Variants in FBXW5 observed in about 807,000 individuals in gnomAD.
The protein encoded by FBXW5 is F-box and WD repeat domain containing 5.
In FBXW5, 74 loss-of-function variants were observed where a neutral mutation model predicts 50.9. The observed-to-expected ratio is 1.45, with a 90% CI of 1.20 to 1.76. The LOEUF is 1.76. Among genes scored for constraint, FBXW5 ranks in the 40% most tolerant of loss-of-function variants. The pLI, the probability that FBXW5 is intolerant of heterozygous loss-of-function variation, is 0.00. For missense variants in FBXW5, 1,073 were observed against 818.8 expected (o/e 1.31, Z -3.79); for synonymous variants, 523 against 362.2 (o/e 1.44, Z -5.04).
At position 136,943,065 on chromosome 9, in the gene FBXW5, C is replaced by T. The variant is rs577307420; in HGVS notation, c.352-122G>A. On this transcript the variant is annotated intron_variant, in intron 3 of 8. Coordinates refer to ENST00000325285, the MANE Select transcript of FBXW5 (RefSeq NM_018998.4). ...CTCAGAGGCCACCAGGGAGCAGGGACCCCTTCCAGCCACTGTCATCCACTC... is the reference window on the plus strand; with the variant it reads ...CTCAGAGGCCACCAGGGAGCAGGGATCCCTTCCAGCCACTGTCATCCACTC... 3.9e-5 allele frequency: 57 copies of T among 1,452,942 alleles called. 1 individual carries two copies. The South Asian group carries it at 5.5e-4, about 14-fold the overall frequency. The allele number at this position is 1,452,942 out of a possible 1,614,324, so 90.0% of individuals were successfully genotyped here. A position where few individuals can be genotyped will look rare whatever the true frequency, so the allele number is the denominator to read the frequency against.
In FBXW5 at chr9:136,940,520, C is replaced by T. The variant is rs972894288; in HGVS notation, c.*408G>A. 102 of 258,790 alleles carry T rather than the reference C, an allele frequency of 3.9e-4. No homozygotes were observed. Among genetic ancestry groups the T allele is most frequent in the Admixed American group, 2.7e-3 (57 of 20,914 alleles). The allele number at this position is 258,790 out of a possible 1,614,324, so 16.0% of individuals were successfully genotyped here. A position where few individuals can be genotyped will look rare whatever the true frequency, so the allele number is the denominator to read the frequency against. ...TCGGGCCCACAGCAGCGTGACCGGC[C>T]GCTCCCAAGCCCCGGGCGCACAACC... On this transcript the variant is annotated 3_prime_UTR_variant, in exon 9 of 9. Coordinates refer to ENST00000325285, the MANE Select transcript of FBXW5 (RefSeq NM_018998.4).
chr9:136,941,328 CAG>C lies in FBXW5; in HGVS notation c.1378_1379del (p.Leu460AlafsTer120), dbSNP rs1850753195. 6.2e-7 allele frequency: 1 copy of C among 1,610,850 alleles called. No individual in the cohort carries two copies. Among genetic ancestry groups the C allele is most frequent in the Non-Finnish European group, 8.5e-7 (1 of 1,179,886 alleles). On this transcript the variant is annotated frameshift_variant, in exon 8 of 9. Coordinates refer to ENST00000325285, the MANE Select transcript of FBXW5 (RefSeq NM_018998.4). LOFTEE classifies it high-confidence loss of function. ...LKTMREVRRA[L>X]RAHRAYTPND... ...TGGGCGTGTAGGCGCGGTGCGCACG[CAG>C]AGCCCGCCTCACCTCCCGCATGGTC...
intron 1 of FBXW5, 163 bp downstream of exon 1, chr9:136,944,431 G>A (rs1393243333): frequency 5.6e-6 from 5 of 893,214 alleles, no homozygotes; most frequent in East Asian, 2.1e-4. Flanking sequence ...AGCTCGGGGC[G>A]GCCAGGCAGT....
rs568392765 is a variant in FBXW5, at chr9:136,940,511, G to A, written c.*417C>T. On this transcript the variant is annotated 3_prime_UTR_variant, in exon 9 of 9. Transcript: ENST00000325285. ...GCAACACACTCGGGCCCACAGCAGC[G>A]TGACCGGCCGCTCCCAAGCCCCGGG... is the stretch of plus-strand genomic sequence containing the variant. 46 of 255,628 alleles carry A rather than the reference G, an allele frequency of 1.8e-4. 1 individual carries two copies. Among genetic ancestry groups the A allele is most frequent in the Admixed American group, 1.3e-3 (27 of 20,880 alleles). The allele number at this position is 255,628 out of a possible 1,614,324, so 15.8% of individuals were successfully genotyped here.
rs779633041 is a variant in FBXW5 at position 136,942,251 on chromosome 9, G to A, written c.891C>T (p.His297=). The change falls in exon 6 of 9, where the codon CAC becomes CAT. Residue 297 remains histidine, a synonymous_variant. Transcript: ENST00000325285. ...GAAAGTGCCGCAAGCCCTCCTTGGC[G>A]TGGGCGGGGGCCGGGCCAGCCACCA... is the stretch of plus-strand genomic sequence containing the variant. ...EEVVAGPAPA[H]AKEGLRHFLD... 5.6e-5 allele frequency: 89 copies of A among 1,582,948 alleles called. No homozygotes were observed. The highest frequency in any genetic ancestry group is 6.9e-5 in the Non-Finnish European group (81 of 1,165,914).
rs376123602 is a variant in FBXW5 at position 136,941,352 on chromosome 9, G to C, written c.1356C>G (p.Thr452=). The C allele has an allele frequency of 1.6e-5, 26 of 1,611,652 alleles. No individual in the cohort carries two copies. The highest frequency in any genetic ancestry group is 1.6e-4 in the East Asian group (7 of 44,882). Residue 452 remains threonine, a synonymous_variant, in exon 8 of 9, where the codon ACC becomes ACG. Coordinates refer to ENST00000325285, the MANE Select transcript of FBXW5 (RefSeq NM_018998.4). ...GCAGAGCCCGCCTCACCTCCCGCAT[G>C]GTCTTGAGGTCGAACACCAGCAGGT... is the stretch of plus-strand genomic sequence containing the variant. ...EIDLLVFDLK[T]MREVRRALRA...
In FBXW5 at chr9:136,941,474, G is replaced by C. The variant is rs368712198; in HGVS notation, c.1245-11C>G. On this transcript the variant is annotated splice_polypyrimidine_tract_variant and intron_variant, in intron 7 of 8. Transcript: ENST00000325285. ...TTCACGTACAGGTACCTGGGCGAGG[G>C]GCACTGTGCTAGGTGTGGGCCGCCT... 7.5e-6 allele frequency: 12 copies of C among 1,606,276 alleles called. No individual in the cohort carries two copies. The highest frequency in any genetic ancestry group is 1.3e-5 in the African/African-American group (1 of 74,954).
rs138718204 is a variant in FBXW5, at chr9:136,942,685, C to T, written c.537G>A (p.Ala179=). 1.4e-5 allele frequency: 23 copies of T among 1,610,564 alleles called. No individual in the cohort carries two copies. In the African/African-American group the frequency reaches 1.6e-4, roughly 11 times the overall value. Residue 179 remains alanine, a synonymous_variant, in exon 5 of 9, where the codon GCG becomes GCA. Transcript: ENST00000325285. ...GCTTGTTCCGCACGCGGGACAGCAGCGCGAAGGAGTCTGTGGGGAGGCCGG... is the reference window on the plus strand; with the variant it reads ...GCTTGTTCCGCACGCGGGACAGCAGTGCGAAGGAGTCTGTGGGGAGGCCGG... ...EIAVISLDSF[A]LLSRVRNKPY... is the part of the protein sequence containing the mutation.
At position 136,944,102 on chromosome 9, in the gene FBXW5, C is replaced by A; in HGVS notation, c.-19G>T. On this transcript the variant is annotated 5_prime_UTR_variant, in exon 2 of 9. Coordinates refer to ENST00000325285, the MANE Select transcript of FBXW5 (RefSeq NM_018998.4). ...CGTCCATCGTGACATTCTGCCCAGG[C>A]GGCCCTGAAACCCACCAACGGCTGC... 6.4e-7 allele frequency: 1 copy of A among 1,570,272 alleles called. No individual in the cohort carries two copies. Among genetic ancestry groups the A allele is most frequent in the Non-Finnish European group, 8.6e-7 (1 of 1,158,556 alleles).
chr9:136,943,258 C>CA, intron 3 of FBXW5, 91 bp downstream of exon 3: 1 of 1,303,544 alleles, frequency 7.7e-7, no homozygotes, highest in East Asian at 2.4e-5. Flanking sequence ...ACCCCCCCCC[C>CA]CACCACCACC....
chr9:136,941,841 C>T (rs761083529), intron 6 of FBXW5, 157 bp from the exon 7 acceptor site: 111 of 1,437,042 alleles, frequency 7.7e-5, no homozygotes, highest in Middle Eastern at 2.4e-4. Flanking sequence ...TCAGGCCCGT[C>T]GGTTGCTTGC....
In FBXW5 at chr9:136,944,592, A is replaced by C. The variant is rs1850962145; in HGVS notation, c.-24+2T>G. ...ACCCCCGAGGGCCGCAGGCGCACTCACCACGGCCGCCTCCGCCCGCTGCGC... is the reference window on the plus strand; with the variant it reads ...ACCCCCGAGGGCCGCAGGCGCACTCCCCACGGCCGCCTCCGCCCGCTGCGC... On this transcript the variant is annotated splice_donor_variant, in intron 1 of 8. Coordinates refer to ENST00000325285, the MANE Select transcript of FBXW5 (RefSeq NM_018998.4). LOFTEE classifies it low-confidence loss of function (5UTR_SPLICE). 2 of 983,898 alleles carry C rather than the reference A, an allele frequency of 2.0e-6. No individual in the cohort carries two copies. Among genetic ancestry groups the C allele is most frequent in the Non-Finnish European group, 2.4e-6 (2 of 829,188 alleles). The allele number at this position is 983,898 out of a possible 1,614,324, so 60.9% of individuals were successfully genotyped here.
intron 6 of FBXW5, 175 bp downstream of exon 6, chr9:136,941,871 C>T (rs1401451218): frequency 7.7e-6 from 11 of 1,435,558 alleles, no homozygotes; most frequent in African/African-American, 2.9e-5. Flanking sequence ...GCCCTGCCTG[C>T]GTTTGTTTTC....
rs1588457546 is a variant in FBXW5 at position 136,941,371 on chromosome 9, A to G, written c.1337T>C (p.Leu446Pro). Residue 446 changes from leucine (L) to proline (P), a missense_variant, in exon 8 of 9, where the codon CTG (leucine) becomes CCG (proline). Coordinates refer to ENST00000325285, the MANE Select transcript of FBXW5 (RefSeq NM_018998.4). ...CCGCATGGTCTTGAGGTCGAACACCAGCAGGTCAATCTCCTCCGCGATTGG... is the reference window on the plus strand; with the variant it reads ...CCGCATGGTCTTGAGGTCGAACACCGGCAGGTCAATCTCCTCCGCGATTGG... ...PPPIAEEIDL[L>P]VFDLKTMREV... 6.2e-7 allele frequency: 1 copy of G among 1,611,774 alleles called. No homozygotes were observed. The highest frequency in any genetic ancestry group is 1.1e-5 in the South Asian group (1 of 91,090).
Position 136,942,256 on chromosome 9 carries a change from C to G in FBXW5, c.886G>C (p.Ala296Pro). The change falls in exon 6 of 9, where the codon GCC becomes CCC. Residue 296 changes from alanine to proline, a missense_variant. By Grantham distance (27) the Ala-to-Pro change is conservative. Coordinates refer to ENST00000325285, the MANE Select transcript of FBXW5 (RefSeq NM_018998.4). ...TGCCGCAAGCCCTCCTTGGCGTGGG[C>G]GGGGGCCGGGCCAGCCACCACCTCC... Reference protein sequence around the residue: ...NEEVVAGPAPAHAKEGLRHFL... With the variant: ...NEEVVAGPAPPHAKEGLRHFL... The G allele has an allele frequency of 1.9e-6, 3 of 1,580,648 alleles. No homozygotes were observed. Among genetic ancestry groups the G allele is most frequent in the Non-Finnish European group, 2.6e-6 (3 of 1,164,602 alleles).
chr9:136,944,275 G>A lies in FBXW5; in HGVS notation c.-23-169C>T, dbSNP rs563271911. 5 of 771,202 alleles carry A rather than the reference G, an allele frequency of 6.5e-6. No homozygotes were observed. In the African/African-American group the frequency reaches 9.3e-5, roughly 14 times the overall value. 47.8% of individuals were successfully genotyped at this position (771,202 alleles called of 1,614,324 possible). ...ACCAAGGACCCGGCAGCTCCGGGCG[G>A]GCCGGGCCGGCCCCTCTCCGCCGCG... On this transcript the variant is annotated intron_variant, in intron 1 of 8. Transcript: ENST00000325285.
rs1316920748 is a variant in FBXW5, at chr9:136,941,633, C to G, written c.1148G>C (p.Gly383Ala). 3 of 1,576,978 alleles carry G rather than the reference C, an allele frequency of 1.9e-6. No homozygotes were observed. In the East Asian group the frequency reaches 7.1e-5, roughly 37 times the overall value. The change falls in exon 7 of 9, where the codon GGT becomes GCT. Residue 383 changes from glycine to alanine, a missense_variant. By Grantham distance (60) the Gly-to-Ala change is moderately conservative. Coordinates refer to ENST00000325285, the MANE Select transcript of FBXW5 (RefSeq NM_018998.4). The part of the protein sequence containing the change: ...HQMTTAGPVL[G>A]EGRGSDAFFD... The stretch of plus-strand genomic sequence containing the variant: ...GAAGGCATCGGAGCCCCGGCCCTCA[C>G]CCAGCACGGGCCCTGCCGTGGTCAT...
At chr9:136,942,985 G>A (rs756515070) in intron 3 of FBXW5, 42 bp from the exon 4 acceptor site, 4 of 1,609,630 alleles carry the variant, frequency 2.5e-6, no homozygotes, top group African/African-American at 1.3e-5. Flanking sequence ...TGGCCAGGTC[G>A]CGGGGCGGGG....
rs745525167 is a variant in FBXW5, at chr9:136,941,342, C to T, written c.1366G>A (p.Val456Met). 3 of 1,611,216 alleles carry T rather than the reference C, an allele frequency of 1.9e-6. No individual in the cohort carries two copies. Among genetic ancestry groups the T allele is most frequent in the Non-Finnish European group, 2.5e-6 (3 of 1,179,812 alleles). Residue 456 changes from valine to methionine, a missense_variant, in exon 8 of 9, where the codon GTG (valine) becomes ATG (methionine). Physicochemically the swap from Val to Met is conservative, Grantham distance 21. Transcript: ENST00000325285. ...LVFDLKTMRE[V>M]RRALRAHRAY... Reference sequence around the variant, plus strand: ...CGGTGCGCACGCAGAGCCCGCCTCACCTCCCGCATGGTCTTGAGGTCGAAC... The same window carrying T: ...CGGTGCGCACGCAGAGCCCGCCTCATCTCCCGCATGGTCTTGAGGTCGAAC...
Sources: allele counts gnomAD v4.1 joint callset, GRCh38; gene constraint gnomAD v4.1.1; transcripts MANE v1.5; gene names NCBI Gene and HGNC (gene_info 2026-07-23, HGNC 2026-07-21).